The following NEURL1 variants were observed in gnomAD, a reference collection of about 807,000 sequenced individuals.
NEURL1 encodes E3 ubiquitin-protein ligase NEURL1.
In NEURL1, 26 loss-of-function variants were observed where a neutral mutation model predicts 41.2. That is an observed-to-expected ratio of 0.63 (90% confidence interval 0.46 to 0.87). NEURL1 has a LOEUF of 0.87. NEURL1 is among the 40% of genes least tolerant of loss of function. The pLI, the probability that NEURL1 is intolerant of heterozygous loss-of-function variation, is 0.00. For synonymous variants in NEURL1, 400 were observed against 402.3 expected, an observed-to-expected ratio of 0.99 and a Z score of 0.07; for missense variants, 761 against 871.1, an observed-to-expected ratio of 0.87 and a Z score of 1.59.
chr10:103,589,743 G>A, intron 5 of NEURL1, 83 bp downstream of exon 5: 1 of 1,518,418 alleles, frequency 6.6e-7, no homozygotes, highest in Non-Finnish European at 8.9e-7. Context: ...GGCTGGGAGT[G>A]GAGAGGAGCT....
chr10:103,528,219 G>T (rs930976593), intron 1 of NEURL1, among the ~76,000 whole-genome samples: 6 of 152,200 alleles, frequency 3.9e-5, no homozygotes, highest in African/African-American at 1.4e-4. Flanking sequence ...AGCTGGGCGT[G>T]GTGGCAGGTG....
chr10:103,526,288 C>G (rs1190286081), intron 1 of NEURL1, among the ~76,000 whole-genome samples: 1 of 151,892 alleles, frequency 6.6e-6, no homozygotes, highest in Non-Finnish European at 1.5e-5. Flanking sequence ...CCTTAATTTT[C>G]TGGAAGAGTT....
At position 103,590,722 on chromosome 10, in the gene NEURL1, C is replaced by A. The variant is rs944001171; in HGVS notation, c.*350C>A. On this transcript the variant is annotated 3_prime_UTR_variant, in exon 6 of 6. Transcript: ENST00000369780. ...AGGTTTCTAGGAGGTGTCTGTAGTC[C>A]ATGTGGCACCTTTGTGAGAATTAGA... The A allele has an allele frequency of 9.6e-6, 3 of 313,276 alleles. No homozygotes were observed. The highest frequency in any genetic ancestry group is 1.8e-5 in the Non-Finnish European group (3 of 166,364). The allele number at this position is 313,276 out of a possible 1,614,324, so 19.4% of individuals were successfully genotyped here.
chr10:103,558,503 CTGTGTGTGTGTGTG>C lies in NEURL1; in HGVS notation c.86-12337_86-12324del, dbSNP rs3068767. On this transcript the variant is annotated intron_variant, in intron 1 of 5. Coordinates refer to ENST00000369780, the MANE Select transcript of NEURL1 (RefSeq NM_004210.5). The surrounding 1 kb of genome is among the most constrained non-coding windows in gnomAD (Gnocchi z 4.2). The stretch of plus-strand genomic sequence containing the variant: ...GTGGTACTCTGTGCCTGTGCCATGC[CTGTGTGTGTGTGTG>C]TGTGTGTGTGTGTGTGTGTGTGTGT... Among the ~76,000 whole-genome samples the C allele has an allele frequency of 3.6e-4, 48 of 131,922 alleles. No homozygotes were observed. Among genetic ancestry groups the C allele is most frequent in the African/African-American group, 1.3e-3 (44 of 34,122 alleles). 86.5% of individuals were successfully genotyped at this position (131,922 alleles called of 152,430 possible).
chr10:103,569,291 A>G (rs957549032), intron 1 of NEURL1, among the ~76,000 whole-genome samples: 2 of 152,208 alleles, frequency 1.3e-5, no homozygotes, highest in African/African-American at 4.8e-5. Context: ...AAATTCATCT[A>G]TGTTGTTATT....
intron 1 of NEURL1, among the ~76,000 whole-genome samples, chr10:103,506,564 C>CTTTTT (rs377578071): frequency 6.9e-6 from 1 of 144,904 alleles, no homozygotes; most frequent in Non-Finnish European, 1.5e-5. Flanking sequence ...CTGCTGTCTG[C>CTTTTT]TTTTTTTTTT....
Position 103,591,723 on chromosome 10 carries a change from C to G in NEURL1, c.*1351C>G, listed in dbSNP as rs961406365. On this transcript the variant is annotated 3_prime_UTR_variant, in exon 6 of 6. Coordinates refer to ENST00000369780, the MANE Select transcript of NEURL1 (RefSeq NM_004210.5). ...CCCAGAGCCATAGAGCACCCTTCCT[C>G]CTGGGCCAGAGCTGGGTTATCATGG... 3 of 152,256 alleles carry G rather than the reference C, an allele frequency of 2.0e-5. No individual in the cohort carries two copies. Among genetic ancestry groups the G allele is most frequent in the Non-Finnish European group, 4.4e-5 (3 of 68,054 alleles). The allele number at this position is 152,256 out of a possible 1,614,324, so 9.4% of individuals were successfully genotyped here. A position where few individuals can be genotyped will look rare whatever the true frequency, so the allele number is the denominator to read the frequency against.
Position 103,584,879 on chromosome 10 carries a change from C to G in NEURL1, c.993C>G (p.Pro331=). 2.1e-6 allele frequency: 3 copies of G among 1,430,156 alleles called. No homozygotes were observed. The highest frequency in any genetic ancestry group is 2.7e-6 in the Non-Finnish European group (3 of 1,101,756). 88.6% of individuals were successfully genotyped at this position (1,430,156 alleles called of 1,614,324 possible). The change falls in exon 4 of 6, where the codon CCC becomes CCG. Residue 331 remains proline (P), a synonymous_variant. Coordinates refer to ENST00000369780, the MANE Select transcript of NEURL1 (RefSeq NM_004210.5). ...DERALVFTSR[P]VRVAETIFVK... Reference sequence around the variant, plus strand: ...GCGCGCTCGTCTTCACCAGCCGGCCCGTGCGCGTGGCCGAGACCATCTTCG... The same window carrying G: ...GCGCGCTCGTCTTCACCAGCCGGCCGGTGCGCGTGGCCGAGACCATCTTCG...
intron 3 of NEURL1, among the ~76,000 whole-genome samples, chr10:103,575,886 C>T (rs1355579483): frequency 6.6e-6 from 1 of 152,222 alleles, no homozygotes; most frequent in Non-Finnish European, 1.5e-5. Flanking sequence ...AAAAGAAGCT[C>T]CTATCCCAGT....
intron 1 of NEURL1, among the ~76,000 whole-genome samples, chr10:103,553,382 G>T (rs1039275242): frequency 1.1e-4 from 16 of 152,150 alleles, no homozygotes; most frequent in Non-Finnish European, 1.3e-4. Flanking sequence ...ATGGGAACTG[G>T]GTATGTGTGC....
At chr10:103,506,924 T>G (rs2033961199) in intron 1 of NEURL1, among the ~76,000 whole-genome samples, 1 of 152,198 alleles carries the variant, frequency 6.6e-6, no homozygotes, top group Non-Finnish European at 1.5e-5. Context: ...TTAAACACAT[T>G]CTTCCCGAAG....
At chr10:103,549,322 G>A (rs1248140619) in intron 1 of NEURL1, among the ~76,000 whole-genome samples, 1 of 152,194 alleles carries the variant, frequency 6.6e-6, no homozygotes, top group East Asian at 1.9e-4. Context: ...AGCTGTCACG[G>A]CTGGGGCACC....
chr10:103,582,906 G>A (rs1688931534), intron 3 of NEURL1, among the ~76,000 whole-genome samples: 3 of 152,198 alleles, frequency 2.0e-5, no homozygotes, highest in South Asian at 2.1e-4. Flanking sequence ...TGAAGAATGC[G>A]GCATTAGGAG....
intron 1 of NEURL1, among the ~76,000 whole-genome samples, chr10:103,540,396 T>C (rs1001741851): frequency 2.0e-5 from 3 of 152,164 alleles, no homozygotes; most frequent in Non-Finnish European, 4.4e-5. Flanking sequence ...TTCAAGTGAT[T>C]CTCCTGCCTC....
rs1409614618 is a variant in NEURL1 at position 103,566,322 on chromosome 10, A to G, written c.86-4550A>G. The stretch of plus-strand genomic sequence containing the variant: ...TGTTGTCCAGGCTAAGATATGGAAC[A>G]TTTCTATCGCCATAAAAACTTCCTT... On this transcript the variant is annotated intron_variant, in intron 1 of 5. Transcript: ENST00000369780. The surrounding 1 kb of genome is among the most constrained non-coding windows in gnomAD (Gnocchi z 4.2). Among the ~76,000 whole-genome samples the G allele has an allele frequency of 6.6e-6, 1 of 152,058 alleles. No individual in the cohort carries two copies. The highest frequency in any genetic ancestry group is 1.5e-5 in the Non-Finnish European group (1 of 68,022).
At chr10:103,578,071 A>G (rs1164213838) in intron 3 of NEURL1, among the ~76,000 whole-genome samples, 5 of 151,968 alleles carry the variant, frequency 3.3e-5, no homozygotes, top group Non-Finnish European at 7.4e-5. Flanking sequence ...TATTGGGGAC[A>G]ATGCCTTCAT....
intron 1 of NEURL1, among the ~76,000 whole-genome samples, chr10:103,564,815 A>G (rs1203560483): frequency 6.6e-6 from 1 of 152,048 alleles, no homozygotes; most frequent in African/African-American, 2.4e-5. Flanking sequence ...AGCTATGTCC[A>G]AAGTTCATTC....
At chr10:103,553,985 G>A (rs574243562) in intron 1 of NEURL1, among the ~76,000 whole-genome samples, 1 of 152,356 alleles carries the variant, frequency 6.6e-6, no homozygotes, top group South Asian at 2.1e-4. Context: ...CCTGTGACCT[G>A]CTGGGTAACC....
intron 1 of NEURL1, among the ~76,000 whole-genome samples, chr10:103,561,022 G>A (rs2035280099): frequency 6.6e-6 from 1 of 152,212 alleles, no homozygotes; most frequent in Admixed American, 6.5e-5. Context: ...CTGTCATGAG[G>A]TTGCAATCAC....
Sources: allele counts gnomAD v4.1 joint callset (sites outside exome capture counted in the v4.1 genomes callset), GRCh38; gene constraint gnomAD v4.1.1; non-coding constraint Gnocchi (gnomAD v3.1); transcripts MANE v1.5; gene names NCBI Gene and HGNC (gene_info 2026-07-23, HGNC 2026-07-21).